DEGS2: variants seen among roughly 807,000 people sequenced by gnomAD.
The protein encoded by DEGS2 is delta 4-desaturase, sphingolipid 2, also known as sphingolipid delta(4)-desaturase/C4-monooxygenase DES2.
DEGS2 carries 19 observed loss-of-function variants against 23.8 expected under a neutral mutation model. That is an observed-to-expected ratio of 0.80 (90% CI 0.56 to 1.17). The LOEUF is 1.17. Among genes scored for constraint, DEGS2 ranks in the 50% most tolerant of loss-of-function variants. DEGS2 has a pLI of 0.00. For synonymous variants in DEGS2, 218 were observed against 213.7 expected (o/e 1.02, Z -0.18); for missense variants, 390 against 459.5 (o/e 0.85, Z 1.38).
At chr14:100,156,085 T>A (rs886389744) in intron 1 of DEGS2, among the ~76,000 whole-genome samples, 5 of 152,212 alleles carry the variant, frequency 3.3e-5, no homozygotes, top group African/African-American at 1.2e-4. Context: ...CCCACAGAGC[T>A]CCTGGAGCCA....
At position 100,144,413 on chromosome 14, in the gene DEGS2, G is replaced by GCTGGGC. The variant is rs1159488136; in HGVS notation, c.*2342_*2347dup. On this transcript the variant is annotated 3_prime_UTR_variant, in exon 3 of 3. Transcript: ENST00000305631. The stretch of plus-strand genomic sequence containing the variant: ...CGGGAAGGTGGGGTGGTGTCCTGGG[G>GCTGGGC]CTGGGCCTCAGGTCCTGCCTGTAGG... 1 of 152,382 alleles carries GCTGGGC rather than the reference G, an allele frequency of 6.6e-6. No homozygotes were observed. Among genetic ancestry groups the GCTGGGC allele is most frequent in the African/African-American group, 2.4e-5 (1 of 41,448 alleles). The allele number at this position is 152,382 out of a possible 1,614,324, so 9.4% of individuals were successfully genotyped here. A position where few individuals can be genotyped will look rare whatever the true frequency, so the allele number is the denominator to read the frequency against.
intron 1 of DEGS2, among the ~76,000 whole-genome samples, chr14:100,153,075 A>G (rs1889600070): frequency 6.6e-6 from 1 of 151,916 alleles, no homozygotes; most frequent in Non-Finnish European, 1.5e-5. Flanking sequence ...TGGGCAATAT[A>G]GCAAGGCCTT....
intron 1 of DEGS2, among the ~76,000 whole-genome samples, chr14:100,152,757 A>G (rs918428738): frequency 6.6e-6 from 1 of 151,940 alleles, no homozygotes; most frequent in Non-Finnish European, 1.5e-5. Context: ...AGGCCCTCAG[A>G]CTCAGACTGA....
upstream of DEGS2, among the ~76,000 whole-genome samples, chr14:100,162,034 A>G (rs1312198507): frequency 2.0e-5 from 3 of 151,768 alleles, no homozygotes; most frequent in South Asian, 4.2e-4. Flanking sequence ...CCTGGGCGAC[A>G]GAGCGAGACT....
intron 1 of DEGS2, among the ~76,000 whole-genome samples, chr14:100,150,344 C>T (rs1429193242): frequency 3.3e-5 from 5 of 152,080 alleles, no homozygotes; most frequent in Non-Finnish European, 5.9e-5. Context: ...AGTAGCCAAT[C>T]CGCCTGGGGG....
chr14:100,151,449 T>A (rs1249700356), intron 1 of DEGS2, among the ~76,000 whole-genome samples: 1 of 152,178 alleles, frequency 6.6e-6, no homozygotes, highest in African/African-American at 2.4e-5. Context: ...AGGGAACAGA[T>A]GCAGGGAGCC....
chr14:100,164,016 G>A (rs1595282966), upstream of DEGS2, among the ~76,000 whole-genome samples: 1 of 152,226 alleles, frequency 6.6e-6, no homozygotes, highest in Non-Finnish European at 1.5e-5. Flanking sequence ...CGGAGTTTGA[G>A]ACCAGCCGGG....
chr14:100,146,806 A>G lies in DEGS2; in HGVS notation c.927T>C (p.Tyr309=), dbSNP rs1308168536. The change falls in exon 3 of 3, where the codon TAT becomes TAC. Residue 309 remains tyrosine, a synonymous_variant. Transcript: ENST00000305631. ...GCCTGTACACCCGCTTCACCCTGGCATAGGGCCCCAGGGAGTCCTCAAACA... is the reference window on the plus strand; with the variant it reads ...GCCTGTACACCCGCTTCACCCTGGCGTAGGGCCCCAGGGAGTCCTCAAACA... The part of the protein sequence containing the change: ...DFVFEDSLGP[Y]ARVKRVYRLA... 1.4e-5 allele frequency: 23 copies of G among 1,613,678 alleles called. No individual in the cohort carries two copies. Among genetic ancestry groups the G allele is most frequent in the Non-Finnish European group, 1.9e-5 (22 of 1,179,928 alleles).
the DEGS2 span, among the ~76,000 whole-genome samples, chr14:100,166,021 G>A: frequency 2.7e-5 from 1 of 37,308 alleles, no homozygotes; most frequent in African/African-American, 8.8e-5. Flanking sequence ...GGGGGAGCCT[G>A]TCTGGGGGAG....
intron 1 of DEGS2, among the ~76,000 whole-genome samples, chr14:100,150,615 C>G (rs1194064649): frequency 6.6e-6 from 1 of 150,698 alleles, no homozygotes; most frequent in Non-Finnish European, 1.5e-5. Context: ...CCTGGCAGCC[C>G]TGACCTTGGA....
the DEGS2 span, among the ~76,000 whole-genome samples, chr14:100,166,116 CGGGAGGGTCG>C: frequency 5.3e-5 from 1 of 18,818 alleles, no homozygotes; most frequent in African/African-American, 3.1e-4. Context: ...GTAGCCTGCC[CGGGAGGGTCG>C]GGGGAGCCTG....
chr14:100,158,476 C>A (rs1042421621), intron 1 of DEGS2, among the ~76,000 whole-genome samples: 2 of 152,114 alleles, frequency 1.3e-5, no homozygotes, highest in African/African-American at 4.8e-5. Flanking sequence ...GCAGGAGAAT[C>A]GCTTGAACCT....
upstream of DEGS2, among the ~76,000 whole-genome samples, chr14:100,162,342 C>T (rs370458034): frequency 1.3e-4 from 20 of 151,222 alleles, no homozygotes; most frequent in East Asian, 3.9e-3. Flanking sequence ...AGCAAGACTC[C>T]GTCTCAAAAA....
At chr14:100,163,604 T>C (rs1889774432), upstream of DEGS2, among the ~76,000 whole-genome samples, 1 of 152,232 alleles carries the variant, frequency 6.6e-6, no homozygotes, top group Non-Finnish European at 1.5e-5. Flanking sequence ...CTACCCAGCC[T>C]TGTTTCCTTC....
intron 1 of DEGS2, among the ~76,000 whole-genome samples, chr14:100,154,304 G>T (rs1360859346): frequency 6.6e-6 from 1 of 150,940 alleles, no homozygotes. Context: ...GGCAGAGGTT[G>T]CAGTGAGCCA....
chr14:100,165,520 G>A, the DEGS2 span, among the ~76,000 whole-genome samples: 1 of 152,226 alleles, frequency 6.6e-6, no homozygotes, highest in Non-Finnish European at 1.5e-5. Flanking sequence ...AGCAGTGGGC[G>A]CAGCTAGCAG....
chr14:100,162,981 C>T (rs949333750), upstream of DEGS2, among the ~76,000 whole-genome samples: 1 of 152,186 alleles, frequency 6.6e-6, no homozygotes, highest in African/African-American at 2.4e-5. Flanking sequence ...AGCCCATGAC[C>T]CAGAGACAGC....
upstream of DEGS2, among the ~76,000 whole-genome samples, chr14:100,162,385 AAAT>A (rs980169562): frequency 2.0e-5 from 3 of 150,314 alleles, no homozygotes; most frequent in East Asian, 2.0e-4. Context: ...ATAAATAAAT[AAAT>A]AATAAAATAA....
intron 1 of DEGS2, among the ~76,000 whole-genome samples, chr14:100,154,430 CCT>C (rs1222934148): frequency 6.6e-6 from 1 of 152,148 alleles, no homozygotes; most frequent in Non-Finnish European, 1.5e-5. Flanking sequence ...TGGGCAAGCC[CCT>C]GTCCCTCTCT....
Sources: allele counts gnomAD v4.1 joint callset (sites outside exome capture counted in the v4.1 genomes callset), GRCh38; gene constraint gnomAD v4.1.1; transcripts MANE v1.5; gene names NCBI Gene and HGNC (gene_info 2026-07-23, HGNC 2026-07-21).